COQ8A: variants seen among roughly 807,000 people sequenced by gnomAD.
COQ8A encodes the protein atypical kinase COQ8A, mitochondrial.
A neutral mutation model predicts 65.0 loss-of-function variants in COQ8A; 51 were observed. The ratio of observed to expected loss-of-function variants is 0.78; its 90% CI spans 0.63 to 0.99. The LOEUF is 0.99. COQ8A is among the 50% of genes least tolerant of loss of function. The pLI is 0.00. For missense variants in COQ8A, 940 were observed against 875.0 expected, an observed-to-expected ratio of 1.07 and a Z score of -0.94; for synonymous variants, 371 against 353.2, an observed-to-expected ratio of 1.05 and a Z score of -0.57.
intron 1 of COQ8A, among the ~76,000 whole-genome samples, chr1:226,944,089 G>A (rs1236822454): frequency 1.3e-5 from 2 of 152,060 alleles, no homozygotes; most frequent in South Asian, 2.1e-4. Flanking sequence ...AGGAGCTGGG[G>A]GAGGAAGCTG....
In COQ8A at chr1:226,983,350, G is replaced by A. The variant is rs1659834835; in HGVS notation, c.1081-202G>A. On this transcript the variant is annotated intron_variant, in intron 8 of 14. Coordinates refer to ENST00000366777, the MANE Select transcript of COQ8A (RefSeq NM_020247.5). ...GGCCGTGAGCTGTTCCCAGGGGTGA[G>A]GTGAGGCAGGAGTAGGTGGACAACG... is the stretch of plus-strand genomic sequence containing the variant. 4 of 676,874 alleles carry A rather than the reference G, an allele frequency of 5.9e-6. No homozygotes were observed. The Admixed American group carries it at 8.6e-5, about 15-fold the overall frequency. The allele number at this position is 676,874 out of a possible 1,614,324, so 41.9% of individuals were successfully genotyped here. A position where few individuals can be genotyped will look rare whatever the true frequency, so the allele number is the denominator to read the frequency against.
chr1:226,957,866 G>C lies in COQ8A; in HGVS notation c.-9-3511G>C, dbSNP rs770012550. ...GTGTGCAGGTCAGGATCCCCGAGTC[G>C]GAGCCTTGTCTCCAGCATGAGTGAG... is the stretch of plus-strand genomic sequence containing the variant. On this transcript the variant is annotated intron_variant, in intron 1 of 14. Transcript: ENST00000366777. Among the ~76,000 whole-genome samples, 3 of 152,178 alleles carry C rather than the reference G, an allele frequency of 2.0e-5. No homozygotes were observed. The South Asian group carries it at 6.2e-4, about 32-fold the overall frequency.
chr1:226,951,416 C>T (rs1320701576), intron 1 of COQ8A, among the ~76,000 whole-genome samples: 1 of 152,180 alleles, frequency 6.6e-6, no homozygotes, highest in Non-Finnish European at 1.5e-5. Context: ...CCTCCCAGCC[C>T]CCCAGGCCTG....
At chr1:226,951,960 A>G (rs1657416149) in intron 1 of COQ8A, among the ~76,000 whole-genome samples, 1 of 152,168 alleles carries the variant, frequency 6.6e-6, no homozygotes, top group African/African-American at 2.4e-5. Context: ...GACACTAATT[A>G]TGTGTCTTAA....
chr1:226,964,244 C>G (rs1658425159), intron 2 of COQ8A, among the ~76,000 whole-genome samples: 1 of 152,194 alleles, frequency 6.6e-6, no homozygotes, highest in Non-Finnish European at 1.5e-5. Context: ...TGTTTCCTGG[C>G]CCTGTCTGTG....
chr1:226,985,111 C>A, intron 13 of COQ8A, 143 bp from the exon 14 acceptor site: 2 of 1,213,808 alleles, frequency 1.6e-6, no homozygotes, highest in East Asian at 2.4e-5. Context: ...AGCTGCCAGG[C>A]GTGGTGTCAC....
At chr1:226,982,214 G>T in intron 6 of COQ8A, 65 bp downstream of exon 6, 1 of 1,534,078 alleles carries the variant, frequency 6.5e-7, no homozygotes, top group South Asian at 1.2e-5. Context: ...AACTTCCAGG[G>T]CCGGGAGCAG....
chr1:226,982,621 T>A lies in COQ8A; in HGVS notation c.854-57T>A, dbSNP rs1659769556. 2.6e-6 allele frequency: 4 copies of A among 1,565,312 alleles called. No homozygotes were observed. The African/African-American group carries it at 5.4e-5, about 21-fold the overall frequency. The stretch of plus-strand genomic sequence containing the variant: ...CATCCCAGGAGTGTGCCCGCCCAGG[T>A]CCTGGGCGCACACTTTAATCCCCAG... On this transcript the variant is annotated intron_variant, in intron 6 of 14. Coordinates refer to ENST00000366777, the MANE Select transcript of COQ8A (RefSeq NM_020247.5).
At chr1:226,986,392 A>AC (rs1660114152) in intron 14 of COQ8A, 61 bp from the exon 15 acceptor site, 4 of 1,540,600 alleles carry the variant, frequency 2.6e-6, no homozygotes, top group Admixed American at 3.4e-5. Context: ...TGTGGGAGGA[A>AC]CCCGGGCTGG....
rs758881380 is a variant in COQ8A at position 226,985,244 on chromosome 1, CT to C, written c.1573-9del. The C allele has an allele frequency of 6.2e-7, 1 of 1,613,154 alleles. No individual in the cohort carries two copies. Among genetic ancestry groups the C allele is most frequent in the South Asian group, 1.1e-5 (1 of 91,076 alleles). On this transcript the variant is annotated splice_polypyrimidine_tract_variant and intron_variant, in intron 13 of 14. Transcript: ENST00000366777. ...TGCTGCCCACGGTCCCCTCCTGTGC[CT>C]CTCCCCAGATCATCAGGGCTGCTGC...
At chr1:226,956,853 C>T (rs1275248489) in intron 1 of COQ8A, among the ~76,000 whole-genome samples, 3 of 134,242 alleles carry the variant, frequency 2.2e-5, no homozygotes, top group Non-Finnish European at 3.2e-5. Flanking sequence ...CTCTCACTCT[C>T]CCTGGTTCAC....
intron 14 of COQ8A, 25 bp from the exon 15 acceptor site, chr1:226,986,428 A>G (rs1186459886): frequency 1.2e-6 from 2 of 1,609,332 alleles, no homozygotes; most frequent in East Asian, 2.2e-5. Context: ...TCTCGCCGCC[A>G]TTTATCCTTC....
At chr1:226,944,606 C>T (rs1442089678) in intron 1 of COQ8A, among the ~76,000 whole-genome samples, 2 of 147,674 alleles carry the variant, frequency 1.4e-5, no homozygotes, top group Admixed American at 6.8e-5. Flanking sequence ...AAAGAGGGGT[C>T]GAGGCCTTCT....
intron 4 of COQ8A, among the ~76,000 whole-genome samples, chr1:226,970,418 A>C (rs911250357): frequency 6.6e-6 from 1 of 152,230 alleles, no homozygotes; most frequent in Non-Finnish European, 1.5e-5. Flanking sequence ...AAACCTTTAC[A>C]ACATGTTACT....
Position 226,946,355 on chromosome 1 carries a change from A to C in COQ8A, c.-10+5956A>C, listed in dbSNP as rs1055349464. On this transcript the variant is annotated intron_variant, in intron 1 of 14. Coordinates refer to ENST00000366777, the MANE Select transcript of COQ8A (RefSeq NM_020247.5). The surrounding 1 kb of genome is among the most constrained non-coding windows in gnomAD (Gnocchi z 5.3). ...GCAGGGGAAATGATATTCCATGGGG[A>C]GGAGGGAGCAGGATGTGGAAGCTGG... 6.6e-6 allele frequency among the ~76,000 whole-genome samples: 1 copy of C among 152,066 alleles called. No homozygotes were observed. The highest frequency in any genetic ancestry group is 1.5e-5 in the Non-Finnish European group (1 of 68,000).
intron 5 of COQ8A, among the ~76,000 whole-genome samples, chr1:226,978,799 ACAGC>A (rs1659494896): frequency 1.2e-5 from 1 of 83,418 alleles, no homozygotes; most frequent in African/African-American, 4.3e-5. Context: ...TCTCACCCGC[ACAGC>A]TCCTTACACA....
rs1247603225 is a variant in COQ8A at position 226,960,247 on chromosome 1, TTGG to T, written c.-9-1113_-9-1111del. 2.1e-3 allele frequency among the ~76,000 whole-genome samples: 254 copies of T among 122,170 alleles called. 6 individuals carry two copies. The highest frequency in any genetic ancestry group is 7.6e-3 in the African/African-American group (238 of 31,184). 80.1% of individuals were successfully genotyped at this position (122,170 alleles called of 152,430 possible). On this transcript the variant is annotated intron_variant, in intron 1 of 14. Transcript: ENST00000366777. ...TGATGGTACTTGGTGGTGGTGGTCC[TTGG>T]TGGTGGTGGTGGTGGTACTTGGTGG...
intron 4 of COQ8A, among the ~76,000 whole-genome samples, chr1:226,969,520 G>A (rs1658764505): frequency 6.6e-6 from 1 of 152,170 alleles, no homozygotes; most frequent in Non-Finnish European, 1.5e-5. Context: ...ACAGGCGTGA[G>A]CCACCGCGCC....
rs563890550 is a variant in COQ8A, at chr1:226,961,455, G to C, written c.70G>C (p.Glu24Gln). 2 of 1,613,838 alleles carry C rather than the reference G, an allele frequency of 1.2e-6. No homozygotes were observed. The highest frequency in any genetic ancestry group is 2.2e-5 in the South Asian group (2 of 91,086). ...TGTCAAGCTGACCCAGGCGGCCGTG[G>C]AAACCCACCTGCAGCACTTGGGCAT... ...GLVKLTQAAV[E>Q]THLQHLGIGG... The change falls in exon 2 of 15, where the codon GAA becomes CAA. Residue 24 changes from glutamate to glutamine, a missense_variant. By Grantham distance (29) the Glu-to-Gln change is conservative (BLOSUM62 2). Transcript: ENST00000366777.
Sources: gnomAD v4.1 joint callset for allele counts (sites outside exome capture counted in the v4.1 genomes callset) on GRCh38, gnomAD v4.1.1 for gene constraint, Gnocchi (gnomAD v3.1) non-coding constraint, MANE v1.5 for transcripts, NCBI Gene and HGNC (gene_info 2026-07-23, HGNC 2026-07-21) for gene names.